Variants in COL4A4 observed in about 807,000 individuals in gnomAD.
COL4A4 encodes collagen type IV alpha 4 chain, also known as collagen alpha-4(IV) chain.
COL4A4 carries 105 observed loss-of-function variants against 192.9 expected under a neutral mutation model. That is an observed-to-expected ratio of 0.54 (90% CI 0.46 to 0.64). The LOEUF is 0.64. Ranked by LOEUF, COL4A4 falls within the 30% of genes least tolerant of loss-of-function variation. The pLI, the probability that COL4A4 is intolerant of heterozygous loss-of-function variation, is 0.00. For synonymous variants in COL4A4, 762 were observed against 769.9 expected (o/e 0.99, Z 0.17); for missense variants, 1,967 against 2,169.3 (o/e 0.91, Z 1.85).
downstream of COL4A4, chr2:226,998,757 A>C (rs1029947259): frequency 1.3e-5 from 2 of 152,208 alleles, no homozygotes; most frequent in Non-Finnish European, 2.9e-5. Flanking sequence ...TCAGCATCTC[A>C]AATACCTTTC....
chr2:227,076,667 T>C (rs144052521), intron 25 of COL4A4, among the ~76,000 whole-genome samples: 24,309 of 152,064 alleles, frequency 0.16, 2,483 homozygotes, highest in African/African-American at 0.29. Flanking sequence ...AGAGCTTCTG[T>C]GCAGCAAAAG....
At chr2:227,030,153 T>C (rs930928967) in intron 41 of COL4A4, among the ~76,000 whole-genome samples, 7 of 151,918 alleles carry the variant, frequency 4.6e-5, no homozygotes, top group African/African-American at 1.7e-4. Context: ...CTAAAATGTG[T>C]CTACTATATT....
Position 227,062,486 on chromosome 2 carries a change from T to C in COL4A4, c.2056+44A>G, listed in dbSNP as rs545599331. On this transcript the variant is annotated intron_variant, in intron 26 of 47. Coordinates refer to ENST00000396625, the MANE Select transcript of COL4A4 (RefSeq NM_000092.5). ...TCTGTCTGGCTGGTTTTTTTTTTTTTACTCTGGGAAGTATATAAGACAGTA... is the reference window on the plus strand; with the variant it reads ...TCTGTCTGGCTGGTTTTTTTTTTTTCACTCTGGGAAGTATATAAGACAGTA... 1.9e-5 allele frequency: 22 copies of C among 1,158,444 alleles called. No individual in the cohort carries two copies. The Admixed American group carries it at 2.2e-4, about 12-fold the overall frequency. The allele number at this position is 1,158,444 out of a possible 1,614,324, so 71.8% of individuals were successfully genotyped here. A position where few individuals can be genotyped will look rare whatever the true frequency, so the allele number is the denominator to read the frequency against.
rs773627539 is a variant in COL4A4 at position 227,008,004 on chromosome 2, G to A, written c.4809+14C>T. The A allele has an allele frequency of 5.1e-5, 82 of 1,606,944 alleles. No homozygotes were observed. Among genetic ancestry groups the A allele is most frequent in the Non-Finnish European group, 6.9e-5 (81 of 1,179,898 alleles). Reference sequence around the variant, plus strand: ...TGGTGAATGAGCCAGGGTTTTCAAGGGCACGGGACTCACCATCAGGAATGA... The same window carrying A: ...TGGTGAATGAGCCAGGGTTTTCAAGAGCACGGGACTCACCATCAGGAATGA... On this transcript the variant is annotated intron_variant, in intron 47 of 47. Transcript: ENST00000396625.
Position 227,060,120 on chromosome 2 carries a change from A to AAAAC in COL4A4, c.2164+15_2164+16insGTTT, listed in dbSNP as rs1553644260. 68 of 1,403,890 alleles carry AAAAC rather than the reference A, an allele frequency of 4.8e-5. No individual in the cohort carries two copies. Among genetic ancestry groups the AAAAC allele is most frequent in the Non-Finnish European group, 6.1e-5 (62 of 1,020,658 alleles). 87.0% of individuals were successfully genotyped at this position (1,403,890 alleles called of 1,614,324 possible). On this transcript the variant is annotated intron_variant, in intron 27 of 47. Coordinates refer to ENST00000396625, the MANE Select transcript of COL4A4 (RefSeq NM_000092.5). ...AAAGCAGAAAAAAAAAAAAAAAAAA[A>AAAAC]AAAAACCTCACTGACCAGGTGGACC...
intron 37 of COL4A4, among the ~76,000 whole-genome samples, chr2:227,038,431 T>TG (rs1364966570): frequency 7.9e-5 from 12 of 152,224 alleles, no homozygotes; most frequent in Admixed American, 2.6e-4. Context: ...TCAAGATATC[T>TG]GTTTTGGTAC....
intron 44 of COL4A4, among the ~76,000 whole-genome samples, chr2:227,013,536 A>C (rs1031317575): frequency 6.6e-6 from 1 of 152,220 alleles, no homozygotes; most frequent in East Asian, 1.9e-4. Context: ...GGAATGGCAC[A>C]GAGGAGAGGC....
chr2:227,101,263 C>T (rs1178156165), intron 17 of COL4A4, among the ~76,000 whole-genome samples: 2 of 152,128 alleles, frequency 1.3e-5, no homozygotes, highest in African/African-American at 4.8e-5. Flanking sequence ...TGAGGCCTCC[C>T]CAGCCACGTG....
Position 227,147,423 on chromosome 2 carries a change from T to C in COL4A4, c.61A>G (p.Thr21Ala). Residue 21 changes from threonine to alanine, a missense_variant, in exon 2 of 48, where the codon ACA (threonine) becomes GCA (alanine). Physicochemically the swap from Thr to Ala is moderately conservative, Grantham distance 58 (BLOSUM62 0). Transcript: ENST00000396625. ...ACTGAGGATACTCACCAGGGACCTG[T>C]GGCCAAGGACTTGGTCAATCTGAAG... is the stretch of plus-strand genomic sequence containing the variant. ...CSFRLTKSLA[T>A]GPWSLILILF... 6.2e-7 allele frequency: 1 copy of C among 1,613,728 alleles called. No individual in the cohort carries two copies. The highest frequency in any genetic ancestry group is 8.5e-7 in the Non-Finnish European group (1 of 1,179,714).
rs578114830 is a variant in COL4A4, at chr2:227,070,433, G to A, written c.1987+7461C>T. On this transcript the variant is annotated intron_variant, in intron 25 of 47. Coordinates refer to ENST00000396625, the MANE Select transcript of COL4A4 (RefSeq NM_000092.5). ...ACACATGCACACGTATGTTTATTGC[G>A]GCATTATTCACAATAGCAAAGACTT... is the stretch of plus-strand genomic sequence containing the variant. Among the ~76,000 whole-genome samples, 748 of 151,972 alleles carry A rather than the reference G, an allele frequency of 4.9e-3. 7 individuals carry two copies. Among genetic ancestry groups the A allele is most frequent in the African/African-American group, 0.017 (716 of 41,446 alleles).
chr2:227,137,538 G>C (rs1490617523), intron 4 of COL4A4, among the ~76,000 whole-genome samples: 2 of 152,186 alleles, frequency 1.3e-5, no homozygotes, highest in Admixed American at 6.5e-5. Flanking sequence ...GATTAGAACA[G>C]GGCTTCTCAA....
chr2:227,072,566 C>A (rs2058784239), intron 25 of COL4A4, among the ~76,000 whole-genome samples: 1 of 151,860 alleles, frequency 6.6e-6, no homozygotes, highest in Non-Finnish European at 1.5e-5. Context: ...AAGCTAGTAT[C>A]ATCCTGATAC....
chr2:227,012,421 A>G (rs1490615456), intron 44 of COL4A4, 124 bp from the exon 45 acceptor site: 1 of 753,348 alleles, frequency 1.3e-6, no homozygotes, highest in Non-Finnish European at 2.3e-6. Flanking sequence ...GACTGAATGC[A>G]TCAGCTCATT....
chr2:226,976,709 C>T, the COL4A4 span, among the ~76,000 whole-genome samples: 5 of 152,144 alleles, frequency 3.3e-5, no homozygotes, highest in South Asian at 2.1e-4. Flanking sequence ...AGTACCTTAA[C>T]GGGGCCTGGG....
At chr2:227,030,637 A>G (rs918073021) in intron 40 of COL4A4, 39 bp from the exon 41 acceptor site, 5 of 1,533,694 alleles carry the variant, frequency 3.3e-6, no homozygotes, top group Non-Finnish European at 4.4e-6. Context: ...CTTTTAGTCA[A>G]AGACGAATGT....
chr2:227,057,603 G>A lies in COL4A4; in HGVS notation c.2384-3C>T. The A allele has an allele frequency of 6.2e-7, 1 of 1,614,058 alleles. No individual in the cohort carries two copies. Among genetic ancestry groups the A allele is most frequent in the Non-Finnish European group, 8.5e-7 (1 of 1,179,978 alleles). ...GAATCCAGGAATGCCAGCTGGCCCT[G>A]AAATGATACAATACATCCATGACAT... On this transcript the variant is annotated splice_region_variant and splice_polypyrimidine_tract_variant and intron_variant, in intron 28 of 47. Coordinates refer to ENST00000396625, the MANE Select transcript of COL4A4 (RefSeq NM_000092.5).
chr2:227,091,884 ACT>A (rs1559600205), intron 20 of COL4A4, among the ~76,000 whole-genome samples: 1 of 147,958 alleles, frequency 6.8e-6, no homozygotes, highest in African/African-American at 2.5e-5. Flanking sequence ...CAAGAGTAAC[ACT>A]CTGTCTCAGG....
At chr2:227,066,692 G>T (rs1171823593) in intron 25 of COL4A4, among the ~76,000 whole-genome samples, 1 of 149,244 alleles carries the variant, frequency 6.7e-6, no homozygotes. Flanking sequence ...CACCAGGCCT[G>T]CCCTAAAAGA....
chr2:227,028,018 A>C lies in COL4A4; in HGVS notation c.3974-9T>G. On this transcript the variant is annotated splice_polypyrimidine_tract_variant and intron_variant, in intron 41 of 47. Transcript: ENST00000396625. Reference sequence around the variant, plus strand: ...CGGGAATCCCACTGGTCCTTAAAAAAAAACAAAACATAAAAATGAGGGCAC... The same window carrying C: ...CGGGAATCCCACTGGTCCTTAAAAACAAACAAAACATAAAAATGAGGGCAC... The C allele has an allele frequency of 6.4e-7, 1 of 1,568,180 alleles. No homozygotes were observed. Among genetic ancestry groups the C allele is most frequent in the Non-Finnish European group, 8.7e-7 (1 of 1,143,640 alleles).
Sources: gnomAD v4.1 joint callset for allele counts (sites outside exome capture counted in the v4.1 genomes callset) on GRCh38, gnomAD v4.1.1 for gene constraint, MANE v1.5 for transcripts, NCBI Gene and HGNC (gene_info 2026-07-23, HGNC 2026-07-21) for gene names.